The following ULBP2 variants were observed in gnomAD, a reference collection of about 807,000 sequenced individuals.
The protein encoded by ULBP2 is UL16-binding protein 2.
In ULBP2, 21 loss-of-function variants were observed where a neutral mutation model predicts 23.6. That is an observed-to-expected ratio of 0.89 (90% CI 0.63 to 1.28). The LOEUF (loss-of-function observed/expected upper bound fraction) is 1.28. Ranked by LOEUF, ULBP2 falls within the 50% of genes most tolerant of loss-of-function variation. The pLI is 0.00. For missense variants in ULBP2, 251 were observed against 306.0 expected (o/e 0.82, Z 1.34); for synonymous variants, 82 against 112.8 (o/e 0.73, Z 1.73).
At position 149,948,819 on chromosome 6, in the gene ULBP2, T is replaced by A; in HGVS notation, c.*119T>A. 4.4e-6 allele frequency: 2 copies of A among 456,046 alleles called. No homozygotes were observed. Among genetic ancestry groups the A allele is most frequent in the South Asian group, 1.6e-5 (1 of 64,492 alleles). The allele number at this position is 456,046 out of a possible 1,614,324, so 28.2% of individuals were successfully genotyped here. A position where few individuals can be genotyped will look rare whatever the true frequency, so the allele number is the denominator to read the frequency against. Reference sequence around the variant, plus strand: ...CCCACGACCTACGGTGTATGTCCAGTGGCCTCCAGCAGATCATGATGACAT... The same window carrying A: ...CCCACGACCTACGGTGTATGTCCAGAGGCCTCCAGCAGATCATGATGACAT... On this transcript the variant is annotated 3_prime_UTR_variant, in exon 5 of 5. Coordinates refer to ENST00000367351, the MANE Select transcript of ULBP2 (RefSeq NM_025217.4).
Position 149,945,573 on chromosome 6 carries a change from G to T in ULBP2, c.349+1G>T. On this transcript the variant is annotated splice_donor_variant, in intron 2 of 4. Transcript: ENST00000367351. LOFTEE classifies it high-confidence loss of function. ...CAGCTGGAGAATTACACACCCAAGGGTAAGTTTCAGATGGCCCAGGACAGC... is the reference window on the plus strand; with the variant it reads ...CAGCTGGAGAATTACACACCCAAGGTTAAGTTTCAGATGGCCCAGGACAGC... The T allele has an allele frequency of 2.5e-6, 4 of 1,614,022 alleles. No individual in the cohort carries two copies. The highest frequency in any genetic ancestry group is 2.5e-6 in the Non-Finnish European group (3 of 1,179,878).
At chr6:149,948,668 G>C (rs1166669124) in intron 4 of ULBP2, 55 bp from the exon 5 acceptor site, 2 of 456,558 alleles carry the variant, frequency 4.4e-6, no homozygotes, top group East Asian at 6.9e-5. Context: ...GATTACCCTG[G>C]AAAAGTGATC....
At chr6:149,947,819 A>C (rs1778965654) in intron 4 of ULBP2, among the ~76,000 whole-genome samples, 2 of 151,620 alleles carry the variant, frequency 1.3e-5, no homozygotes, top group Non-Finnish European at 2.9e-5. Context: ...AGTCCTCTTA[A>C]TTGGGTTAGG....
chr6:149,948,798 C>A lies in ULBP2; in HGVS notation c.*98C>A. 1 of 456,694 alleles carries A rather than the reference C, an allele frequency of 2.2e-6. No homozygotes were observed. The highest frequency in any genetic ancestry group is 1.5e-5 in the South Asian group (1 of 64,556). The allele number at this position is 456,694 out of a possible 1,614,324, so 28.3% of individuals were successfully genotyped here. On this transcript the variant is annotated 3_prime_UTR_variant, in exon 5 of 5. Coordinates refer to ENST00000367351, the MANE Select transcript of ULBP2 (RefSeq NM_025217.4). ...GCCCTTCTGTCTGGCCAGCTGCCCA[C>A]GACCTACGGTGTATGTCCAGTGGCC...
chr6:149,942,446 T>A (rs1386663717), intron 1 of ULBP2, among the ~76,000 whole-genome samples: 1 of 152,024 alleles, frequency 6.6e-6, no homozygotes, highest in Non-Finnish European at 1.5e-5. Flanking sequence ...TGGTGCAGCC[T>A]GGCAGTCCCA....
intron 1 of ULBP2, among the ~76,000 whole-genome samples, chr6:149,942,794 G>T (rs1197913790): frequency 2.7e-4 from 41 of 152,078 alleles, no homozygotes; most frequent in Non-Finnish European, 8.8e-5. Context: ...CCCCATCCAT[G>T]AAGGGGACCT....
rs757802164 is a variant in ULBP2, at chr6:149,946,573, A to G, written c.551A>G (p.Tyr184Cys). The change falls in exon 3 of 5, where the codon TAC (tyrosine) becomes TGC (cysteine). Residue 184 changes from tyrosine (Y) to cysteine (C), a missense_variant. This residue lies in a region of ULBP2 where 248 missense variants were observed against 258.9 expected (regional missense o/e 0.96). Transcript: ENST00000367351. ...NDKVVAMSFH[Y>C]FSMGDCIGWL... is the part of the protein sequence containing the mutation. ...AAGGTTGTGGCCATGTCCTTCCATT[A>G]CTTCTCAATGGGAGACTGTATAGGA... 1 of 1,614,218 alleles carries G rather than the reference A, an allele frequency of 6.2e-7. No homozygotes were observed. Among genetic ancestry groups the G allele is most frequent in the Non-Finnish European group, 8.5e-7 (1 of 1,180,048 alleles).
Position 149,946,424 on chromosome 6 carries a change from C to T in ULBP2, c.402C>T (p.His134=), listed in dbSNP as rs1313067151. Reference sequence around the variant, plus strand: ...CTTGTGAGCAGAAAGCTGAAGGACACAGCAGTGGATCTTGGCAGTTCAGTT... The same window carrying T: ...CTTGTGAGCAGAAAGCTGAAGGACATAGCAGTGGATCTTGGCAGTTCAGTT... ...RMSCEQKAEG[H]SSGSWQFSFD... The change falls in exon 3 of 5, where the codon CAC becomes CAT. Residue 134 remains histidine (H), a synonymous_variant. Transcript: ENST00000367351. 9.3e-6 allele frequency: 15 copies of T among 1,614,054 alleles called. No homozygotes were observed. Among genetic ancestry groups the T allele is most frequent in the Admixed American group, 1.7e-5 (1 of 60,002 alleles).
At chr6:149,948,400 C>G (rs1778975641) in intron 4 of ULBP2, among the ~76,000 whole-genome samples, 1 of 152,172 alleles carries the variant, frequency 6.6e-6, no homozygotes, top group Non-Finnish European at 1.5e-5. Context: ...GAAGTCTGCC[C>G]CACCCCTTGC....
intron 3 of ULBP2, among the ~76,000 whole-genome samples, chr6:149,946,986 G>C (rs575309236): frequency 2.6e-5 from 4 of 151,738 alleles, no homozygotes; most frequent in Non-Finnish European, 5.9e-5. Context: ...CCTTTCCCTG[G>C]TCTGGTTCTG....
At position 149,945,440 on chromosome 6, in the gene ULBP2, C is replaced by G. The variant is rs543109817; in HGVS notation, c.217C>G (p.Pro73Ala). The change falls in exon 2 of 5, where the codon CCT (proline) becomes GCT (alanine). Residue 73 changes from proline (P) to alanine (A), a missense_variant. Pro to Ala is a conservative substitution (Grantham distance 27). Coordinates refer to ENST00000367351, the MANE Select transcript of ULBP2 (RefSeq NM_025217.4). Reference sequence around the variant, plus strand: ...TGACTGTGGCAACAAGACAGTCACACCTGTCAGTCCCCTGGGGAAGAAACT... The same window carrying G: ...TGACTGTGGCAACAAGACAGTCACAGCTGTCAGTCCCCTGGGGAAGAAACT... ...HYDCGNKTVTPVSPLGKKLNV... is the reference protein window; with the variant it reads ...HYDCGNKTVTAVSPLGKKLNV... 5.6e-6 allele frequency: 9 copies of G among 1,613,982 alleles called. 2 individuals are homozygous for G. The East Asian group carries it at 1.6e-4, about 28-fold the overall frequency.
rs894299480 is a variant in ULBP2 at position 149,946,523 on chromosome 6, G to C, written c.501G>C (p.Lys167Asn). 1.9e-6 allele frequency: 3 copies of C among 1,614,056 alleles called. No individual in the cohort carries two copies. In the African/African-American group the frequency reaches 4.0e-5, roughly 22 times the overall value. Residue 167 changes from lysine (K) to asparagine (N), a missense_variant, in exon 3 of 5, where the codon AAG (lysine) becomes AAC (asparagine). Transcript: ENST00000367351. Reference protein sequence around the residue: ...MWTTVHPGARKMKEKWENDKV... With the variant: ...MWTTVHPGARNMKEKWENDKV... ...CAACGGTTCATCCTGGAGCCAGAAA[G>C]ATGAAAGAAAAGTGGGAGAATGACA... is the stretch of plus-strand genomic sequence containing the variant.
In ULBP2 at chr6:149,946,077, C is replaced by T. The variant is rs1295158274; in HGVS notation, c.350-295C>T. Among the ~76,000 whole-genome samples, 4 of 151,640 alleles carry T rather than the reference C, an allele frequency of 2.6e-5. No individual in the cohort carries two copies. The East Asian group carries it at 7.8e-4, about 29-fold the overall frequency. ...TTAACACAGTGAAACCCTGTCTGTACTAAAAATACAAAAAATTAGCCGGGT... is the reference window on the plus strand; with the variant it reads ...TTAACACAGTGAAACCCTGTCTGTATTAAAAATACAAAAAATTAGCCGGGT... On this transcript the variant is annotated intron_variant, in intron 2 of 4. Coordinates refer to ENST00000367351, the MANE Select transcript of ULBP2 (RefSeq NM_025217.4).
In ULBP2 at chr6:149,949,158, T is replaced by A. The variant is rs1346877109; in HGVS notation, c.*458T>A. The A allele has an allele frequency of 1.3e-5, 2 of 156,108 alleles. No individual in the cohort carries two copies. The highest frequency in any genetic ancestry group is 2.8e-5 in the Non-Finnish European group (2 of 70,676). 9.7% of individuals were successfully genotyped at this position (156,108 alleles called of 1,614,324 possible). A position where few individuals can be genotyped will look rare whatever the true frequency, so the allele number is the denominator to read the frequency against. On this transcript the variant is annotated 3_prime_UTR_variant, in exon 5 of 5. Coordinates refer to ENST00000367351, the MANE Select transcript of ULBP2 (RefSeq NM_025217.4). ...TTTTAAATTATTTAATAAGAAAAAA[T>A]TTATATTAATGATTGTTTCCTTTAG...
At chr6:149,948,123 C>T (rs144269806) in intron 4 of ULBP2, among the ~76,000 whole-genome samples, 414 of 152,330 alleles carry the variant, frequency 2.7e-3, no homozygotes, top group Non-Finnish European at 4.6e-3. Flanking sequence ...CCATCATCCT[C>T]CTGCACACCC....
chr6:149,948,382 T>A (rs1283709652), intron 4 of ULBP2, among the ~76,000 whole-genome samples: 1 of 152,174 alleles, frequency 6.6e-6, no homozygotes, highest in African/African-American at 2.4e-5. Context: ...TATGGAGCCC[T>A]CTTTTTGGAA....
chr6:149,946,866 T>C (rs1385867022), intron 3 of ULBP2, among the ~76,000 whole-genome samples: 1 of 152,158 alleles, frequency 6.6e-6, no homozygotes, highest in Admixed American at 6.5e-5. Context: ...TCACTGCACT[T>C]GCTCCTGCTC....
chr6:149,943,416 C>T (rs1200868878), intron 1 of ULBP2, among the ~76,000 whole-genome samples: 1 of 152,058 alleles, frequency 6.6e-6, no homozygotes, highest in Admixed American at 6.6e-5. Context: ...CCACGGGGAC[C>T]ATCAGGTACC....
At chr6:149,945,830 A>G (rs1021610402) in intron 2 of ULBP2, among the ~76,000 whole-genome samples, 1 of 151,432 alleles carries the variant, frequency 6.6e-6, no homozygotes, top group Non-Finnish European at 1.5e-5. Context: ...AATCCCAGCA[A>G]CTTGGGAGGC....
Sources: allele counts gnomAD v4.1 joint callset (sites outside exome capture counted in the v4.1 genomes callset), GRCh38; gene constraint gnomAD v4.1.1; regional missense constraint gnomAD v4.1.1; transcripts MANE v1.5; gene names NCBI Gene and HGNC (gene_info 2026-07-23, HGNC 2026-07-21).